ARHGEF3: variants seen among roughly 807,000 people sequenced by gnomAD.
ARHGEF3 encodes Rho guanine nucleotide exchange factor 3.
ARHGEF3 carries 28 observed loss-of-function variants against 63.2 expected under a neutral mutation model. The observed-to-expected ratio is 0.44, with a 90% CI of 0.33 to 0.61. ARHGEF3 has a LOEUF of 0.61. Among genes scored for constraint, ARHGEF3 ranks in the 20% least tolerant of loss-of-function variants. ARHGEF3 has a pLI of 0.03. For synonymous variants in ARHGEF3, 266 were observed against 254.2 expected (o/e 1.05, Z -0.44); for missense variants, 533 against 659.3 (o/e 0.81, Z 2.10).
chr3:56,962,158 T>A (rs1358787212), intron 2 of ARHGEF3, among the ~76,000 whole-genome samples: 2 of 152,166 alleles, frequency 1.3e-5, no homozygotes, highest in Non-Finnish European at 2.9e-5. Context: ...AATGCACAGA[T>A]TCAGGGAAGG....
At chr3:56,927,162 C>G (rs185483611) in intron 3 of ARHGEF3, among the ~76,000 whole-genome samples, 1 of 152,210 alleles carries the variant, frequency 6.6e-6, no homozygotes, top group South Asian at 2.1e-4. Flanking sequence ...CCTCTGTTTC[C>G]TCCTCTGGTA....
At chr3:56,901,200 T>C (rs963144920) in intron 3 of ARHGEF3, among the ~76,000 whole-genome samples, 1 of 152,238 alleles carries the variant, frequency 6.6e-6, no homozygotes, top group South Asian at 2.1e-4. Flanking sequence ...AAGAAGGTGA[T>C]CCACAAATGT....
chr3:56,790,442 G>A (rs184482934), intron 1 of ARHGEF3, among the ~76,000 whole-genome samples: 11 of 152,126 alleles, frequency 7.2e-5, no homozygotes, highest in Admixed American at 2.6e-4. Flanking sequence ...CTTTACAGTG[G>A]TTTCTGACTC....
chr3:57,008,949 T>C (rs746759900), intron 2 of ARHGEF3, among the ~76,000 whole-genome samples: 5 of 152,236 alleles, frequency 3.3e-5, no homozygotes, highest in African/African-American at 7.2e-5. Context: ...CTCATGAGAA[T>C]TGGGAAGTTT....
chr3:56,965,644 TC>T (rs141810057), intron 2 of ARHGEF3, among the ~76,000 whole-genome samples: 4 of 147,010 alleles, frequency 2.7e-5, no homozygotes, highest in African/African-American at 9.9e-5. Context: ...GAAACTACAT[TC>T]TTTTTTTTTT....
At chr3:56,962,322 T>G (rs535341860) in intron 2 of ARHGEF3, among the ~76,000 whole-genome samples, 1 of 152,344 alleles carries the variant, frequency 6.6e-6, no homozygotes, top group African/African-American at 2.4e-5. Flanking sequence ...AGCAGTATTT[T>G]GCACAATCAG....
intron 1 of ARHGEF3, among the ~76,000 whole-genome samples, chr3:56,783,400 G>A (rs1906957): frequency 0.032 from 4,878 of 152,244 alleles, 175 homozygotes; most frequent in East Asian, 0.14. Flanking sequence ...CCCGGGAGAA[G>A]CAATTAATTT....
intron 3 of ARHGEF3, among the ~76,000 whole-genome samples, chr3:56,944,513 T>C (rs1699363506): frequency 6.7e-6 from 1 of 149,818 alleles, no homozygotes; most frequent in South Asian, 2.1e-4. Context: ...AGTCTCATGA[T>C]AAAGCTTGAA....
chr3:56,892,464 T>C (rs2041157093), intron 3 of ARHGEF3, among the ~76,000 whole-genome samples: 1 of 152,230 alleles, frequency 6.6e-6, no homozygotes, highest in Non-Finnish European at 1.5e-5. Context: ...TAATATGCTA[T>C]GGTGCTTCCT....
chr3:56,749,926 T>C (rs2034627719), intron 6 of ARHGEF3, among the ~76,000 whole-genome samples: 1 of 152,040 alleles, frequency 6.6e-6, no homozygotes, highest in Admixed American at 6.5e-5. Flanking sequence ...CATCTATGTG[T>C]TATCAAGGCA....
chr3:56,774,937 C>G, intron 1 of ARHGEF3: 1 of 1,215,114 alleles, frequency 8.2e-7, no homozygotes, highest in South Asian at 1.8e-5. Context: ...AAAAAAAAAA[C>G]AGGCTATGGG....
chr3:56,811,796 T>C (rs1424337045), intron 4 of ARHGEF3, among the ~76,000 whole-genome samples: 1 of 152,218 alleles, frequency 6.6e-6, no homozygotes, highest in African/African-American at 2.4e-5. Flanking sequence ...GCACTATCAT[T>C]TGATTCTTCA....
In ARHGEF3 at chr3:56,732,395, CA is replaced by C; in HGVS notation, c.1070del (p.Val357GlyfsTer3). 6.2e-7 allele frequency: 1 copy of C among 1,614,120 alleles called. No individual in the cohort carries two copies. ...VKLHVFLFQE[V>X]LVITRAVTHN... The stretch of plus-strand genomic sequence containing the variant: ...GGGTGACGGCTCGAGTGATCACAAG[CA>C]CTTCTTGGAACAGGAAAACATGCAG... On this transcript the variant is annotated frameshift_variant, in exon 9 of 10. Coordinates refer to ENST00000296315, the MANE Select transcript of ARHGEF3 (RefSeq NM_019555.3). LOFTEE classifies it high-confidence loss of function.
chr3:56,783,350 TGGGGGTA>T (rs1361852612), intron 1 of ARHGEF3, among the ~76,000 whole-genome samples: 5 of 151,866 alleles, frequency 3.3e-5, no homozygotes, highest in African/African-American at 4.8e-5. Flanking sequence ...GAAGGAAAGG[TGGGGGTA>T]GGCGGCAAGC....
At chr3:56,829,578 T>A (rs1328191911) in intron 4 of ARHGEF3, among the ~76,000 whole-genome samples, 1 of 152,090 alleles carries the variant, frequency 6.6e-6, no homozygotes, top group African/African-American at 2.4e-5. Flanking sequence ...TAATAATGCC[T>A]CCCGAAGAAC....
intron 3 of ARHGEF3, among the ~76,000 whole-genome samples, chr3:56,886,567 C>T (rs995081604): frequency 6.6e-6 from 1 of 152,198 alleles, no homozygotes; most frequent in Non-Finnish European, 1.5e-5. Context: ...GAAACATAAA[C>T]AAATGAGCAT....
intron 7 of ARHGEF3, among the ~76,000 whole-genome samples, chr3:56,739,581 A>G (rs1271988355): frequency 6.6e-6 from 1 of 151,688 alleles, no homozygotes; most frequent in Non-Finnish European, 1.5e-5. Context: ...TGTATTTTTC[A>G]TGGAGATGGG....
chr3:56,742,900 C>A lies in ARHGEF3; in HGVS notation c.870+2305G>T, dbSNP rs1207444002. Among the ~76,000 whole-genome samples, 3 of 152,116 alleles carry A rather than the reference C, an allele frequency of 2.0e-5. No homozygotes were observed. In the East Asian group the frequency reaches 5.8e-4, roughly 29 times the overall value. On this transcript the variant is annotated intron_variant, in intron 7 of 9. Transcript: ENST00000296315. ...ATTCTTATCTGTTTTTAAATTCAAA[C>A]TTTAGCTCACTGGGTATTTTTTAAA...
intron 4 of ARHGEF3, among the ~76,000 whole-genome samples, chr3:56,857,144 A>T (rs2039914969): frequency 6.6e-6 from 1 of 152,186 alleles, no homozygotes; most frequent in Non-Finnish European, 1.5e-5. Flanking sequence ...TCCCATCAGA[A>T]GCTATTCTAA....
Sources: gnomAD v4.1 joint callset for allele counts (sites outside exome capture counted in the v4.1 genomes callset) on GRCh38, gnomAD v4.1.1 for gene constraint, MANE v1.5 for transcripts, NCBI Gene and HGNC (gene_info 2026-07-23, HGNC 2026-07-21) for gene names.